MFSD2A: variants seen among roughly 807,000 people sequenced by gnomAD.
MFSD2A encodes MFSD2 lysolipid transporter A, lysophospholipid, also known as sodium-dependent lysophosphatidylcholine symporter 1.
A neutral mutation model predicts 64.7 loss-of-function variants in MFSD2A; 27 were observed. The observed-to-expected ratio is 0.42, with a 90% CI of 0.31 to 0.58. The LOEUF is 0.58. MFSD2A is among the 20% of genes least tolerant of loss of function. The pLI is 0.18. For synonymous variants in MFSD2A, 258 were observed against 273.4 expected, an observed-to-expected ratio of 0.94 and a Z score of 0.55; for missense variants, 474 against 679.5, an observed-to-expected ratio of 0.70 and a Z score of 3.36.
chr1:39,962,252 A>C (rs1288355259), intron 3 of MFSD2A, among the ~76,000 whole-genome samples: 3 of 152,028 alleles, frequency 2.0e-5, no homozygotes, highest in African/African-American at 7.2e-5. Context: ...TGCACTGACT[A>C]TTCCCTTTGC....
At chr1:39,962,761 A>G (rs1339960661) in intron 3 of MFSD2A, 7 of 941,876 alleles carry the variant, frequency 7.4e-6, no homozygotes, top group Non-Finnish European at 1.2e-5. Context: ...TTGGTGAAGG[A>G]CATGAAGATC....
chr1:39,965,146 G>A lies in MFSD2A; in HGVS notation c.354-65G>A, dbSNP rs1019543963. 1.9e-6 allele frequency: 3 copies of A among 1,604,136 alleles called. No individual in the cohort carries two copies. In the South Asian group the frequency reaches 3.3e-5, roughly 18 times the overall value. On this transcript the variant is annotated intron_variant, in intron 3 of 13. Coordinates refer to ENST00000372811, the MANE Select transcript of MFSD2A (RefSeq NM_032793.5). The surrounding 1 kb of genome is among the most constrained non-coding windows in gnomAD (Gnocchi z 5.5). The stretch of plus-strand genomic sequence containing the variant: ...TGTGGGGACCCTGTGAGGCACAGCA[G>A]ACTGGGCTGGGCCTGGTCCTGGGCT...
chr1:39,958,307 A>G lies in MFSD2A; in HGVS notation c.229-394A>G, dbSNP rs1004296971. 2.6e-5 allele frequency among the ~76,000 whole-genome samples: 4 copies of G among 152,162 alleles called. No homozygotes were observed. The highest frequency in any genetic ancestry group is 7.2e-5 in the African/African-American group (3 of 41,422). ...TAAGGTAGAGCTCATAACTCCCATT[A>G]TACAGATGGGAACACTGAAGCACAC... On this transcript the variant is annotated intron_variant, in intron 2 of 13. Coordinates refer to ENST00000372811, the MANE Select transcript of MFSD2A (RefSeq NM_032793.5). The surrounding 1 kb of genome is among the most constrained non-coding windows in gnomAD (Gnocchi z 4.7).
At chr1:39,956,915 CAAAAAAAAAAA>C (rs34385828) in intron 1 of MFSD2A, among the ~76,000 whole-genome samples, 161 bp from the exon 2 acceptor site, 8 of 35,378 alleles carry the variant, frequency 2.3e-4, no homozygotes, top group Admixed American at 1.8e-3. Context: ...GACTCTGTCT[CAAAAAAAAAAA>C]AAAAAAAAAA....
chr1:39,966,080 TAA>T (rs1473062251), intron 6 of MFSD2A, 66 bp downstream of exon 6: 1 of 1,555,982 alleles, frequency 6.4e-7, no homozygotes, highest in African/African-American at 1.4e-5. Flanking sequence ...GTAGTCATCC[TAA>T]AGATAGTAAC....
rs1644908579 is a variant in MFSD2A at position 39,955,601 on chromosome 1, G to C, written c.93+216G>C. 1 of 693,818 alleles carries C rather than the reference G, an allele frequency of 1.4e-6. No homozygotes were observed. The highest frequency in any genetic ancestry group is 2.1e-5 in the Admixed American group (1 of 48,718). The allele number at this position is 693,818 out of a possible 1,614,324, so 43.0% of individuals were successfully genotyped here. A position where few individuals can be genotyped will look rare whatever the true frequency, so the allele number is the denominator to read the frequency against. On this transcript the variant is annotated intron_variant, in intron 1 of 13. Coordinates refer to ENST00000372811, the MANE Select transcript of MFSD2A (RefSeq NM_032793.5). This position sits in a 1 kb window ranked among gnomAD's most constrained non-coding sequence, Gnocchi z 5.9. ...CCCCCTTTGCTCACCCGCACTCCACGCTCTGCGGAGAGGCTCTGCCGGCAG... is the reference window on the plus strand; with the variant it reads ...CCCCCTTTGCTCACCCGCACTCCACCCTCTGCGGAGAGGCTCTGCCGGCAG...
In MFSD2A at chr1:39,963,270, G is replaced by T; in HGVS notation, c.354-1941G>T. The T allele has an allele frequency of 6.3e-6, 9 of 1,435,706 alleles. No homozygotes were observed. The highest frequency in any genetic ancestry group is 5.8e-6 in the Non-Finnish European group (6 of 1,035,182). 88.9% of individuals were successfully genotyped at this position (1,435,706 alleles called of 1,614,324 possible). A position where few individuals can be genotyped will look rare whatever the true frequency, so the allele number is the denominator to read the frequency against. On this transcript the variant is annotated intron_variant, in intron 3 of 13. Transcript: ENST00000372811. The surrounding 1 kb of genome is among the most constrained non-coding windows in gnomAD (Gnocchi z 4.2). The stretch of plus-strand genomic sequence containing the variant: ...GGGCAGCTTTGCCAAGGGCACCTTT[G>T]ATGCCATCTCTAAGACCTACAGCTA...
Position 39,966,981 on chromosome 1 carries a change from C to A in MFSD2A, c.927+49C>A, listed in dbSNP as rs544445881. ...GCCTGAGAAGGAGGTGTAATGGGAG[C>A]GGGGTGAGCAGAGGTCTCTGGGGCT... On this transcript the variant is annotated intron_variant, in intron 8 of 13. Coordinates refer to ENST00000372811, the MANE Select transcript of MFSD2A (RefSeq NM_032793.5). 2.0e-5 allele frequency: 32 copies of A among 1,612,502 alleles called. No homozygotes were observed. The Admixed American group carries it at 5.3e-4, about 27-fold the overall frequency.
In MFSD2A at chr1:39,958,634, G is replaced by T. The variant is rs201198321; in HGVS notation, c.229-67G>T. On this transcript the variant is annotated intron_variant, in intron 2 of 13. Transcript: ENST00000372811. The surrounding 1 kb of genome is among the most constrained non-coding windows in gnomAD (Gnocchi z 4.7). ...AGATAGGGAGGGAGCCTCTGCTTCT[G>T]CCTACCAGTGAGAGTTGAGGCGAGT... 23 of 1,613,970 alleles carry T rather than the reference G, an allele frequency of 1.4e-5. No individual in the cohort carries two copies. In the East Asian group the frequency reaches 5.1e-4, roughly 36 times the overall value.
intron 1 of MFSD2A, among the ~76,000 whole-genome samples, chr1:39,956,684 C>T (rs1024520124): frequency 1.3e-5 from 2 of 152,130 alleles, no homozygotes; most frequent in African/African-American, 4.8e-5. Context: ...GAACACCTTT[C>T]TTTTGTATAA....
At chr1:39,962,372 G>T (rs1017453423) in intron 3 of MFSD2A, among the ~76,000 whole-genome samples, 2 of 152,176 alleles carry the variant, frequency 1.3e-5, no homozygotes, top group African/African-American at 4.8e-5. Flanking sequence ...ACCCATTTGT[G>T]AATTGCACCC....
In MFSD2A at chr1:39,964,761, G is replaced by GGT. The variant is rs60645502; in HGVS notation, c.354-436_354-435dup. 1.5e-3 allele frequency: 265 copies of GGT among 173,072 alleles called. No individual in the cohort carries two copies. The highest frequency in any genetic ancestry group is 3.5e-3 in the South Asian group (28 of 7,924). The allele number at this position is 173,072 out of a possible 1,614,324, so 10.7% of individuals were successfully genotyped here. A position where few individuals can be genotyped will look rare whatever the true frequency, so the allele number is the denominator to read the frequency against. On this transcript the variant is annotated intron_variant, in intron 3 of 13. Coordinates refer to ENST00000372811, the MANE Select transcript of MFSD2A (RefSeq NM_032793.5). The surrounding 1 kb of genome is among the most constrained non-coding windows in gnomAD (Gnocchi z 4.1). ...GTGTGAATGAGGTGTGTGTGAATGG[G>GGT]GTGTGTGTGTGTGTGAATGAGGTGT...
chr1:39,965,912 C>T lies in MFSD2A; in HGVS notation c.612C>T (p.Ile204=), dbSNP rs745326839. The change falls in exon 6 of 14, where the codon ATC becomes ATT. Residue 204 remains isoleucine (I), a synonymous_variant. Transcript: ENST00000372811. The surrounding 1 kb of genome is among the most constrained non-coding windows in gnomAD (Gnocchi z 5.5). ...TGGGCACGGCGATCCAGGGACAAATCGTGGGCCAAGCAGACACGCCTTGTT... is the reference window on the plus strand; with the variant it reads ...TGGGCACGGCGATCCAGGGACAAATTGTGGGCCAAGCAGACACGCCTTGTT... ...TVLGTAIQGQ[I]VGQADTPCFQ... 3.1e-6 allele frequency: 5 copies of T among 1,614,146 alleles called. No homozygotes were observed. The highest frequency in any genetic ancestry group is 2.2e-5 in the East Asian group (1 of 44,878).
chr1:39,959,746 T>G (rs1223871205), intron 3 of MFSD2A, among the ~76,000 whole-genome samples: 1 of 152,212 alleles, frequency 6.6e-6, no homozygotes. Context: ...AAGGTTGATG[T>G]AATTTTGAGA....
At position 39,964,157 on chromosome 1, in the gene MFSD2A, G is replaced by A. The variant is rs528734730; in HGVS notation, c.354-1054G>A. 1 of 152,462 alleles carries A rather than the reference G, an allele frequency of 6.6e-6. No individual in the cohort carries two copies. Among genetic ancestry groups the A allele is most frequent in the African/African-American group, 2.4e-5 (1 of 41,546 alleles). The allele number at this position is 152,462 out of a possible 1,614,324, so 9.4% of individuals were successfully genotyped here. ...ATTTTCCTTGGCTTAATGTCTACAA[G>A]GTTCATCTATGTTGTAGCATGTGTC... On this transcript the variant is annotated intron_variant, in intron 3 of 13. Coordinates refer to ENST00000372811, the MANE Select transcript of MFSD2A (RefSeq NM_032793.5). This position sits in a 1 kb window ranked among gnomAD's most constrained non-coding sequence, Gnocchi z 4.1.
Position 39,958,893 on chromosome 1 carries a change from T to A in MFSD2A, c.353+68T>A. ...TCCAGCATATCTGCTCCTTGGTCCT[T>A]CTCTCTGTCTTGTCACAGGCAGAAG... On this transcript the variant is annotated intron_variant, in intron 3 of 13. Transcript: ENST00000372811. This position sits in a 1 kb window ranked among gnomAD's most constrained non-coding sequence, Gnocchi z 4.7. 4 of 1,494,030 alleles carry A rather than the reference T, an allele frequency of 2.7e-6. No homozygotes were observed. Among genetic ancestry groups the A allele is most frequent in the Non-Finnish European group, 3.6e-6 (4 of 1,111,180 alleles). The allele number at this position is 1,494,030 out of a possible 1,614,324, so 92.5% of individuals were successfully genotyped here.
rs1220764780 is a variant in MFSD2A at position 39,955,343 on chromosome 1, C to T, written c.51C>T (p.Pro17=). 1.4e-6 allele frequency: 2 copies of T among 1,462,742 alleles called. No homozygotes were observed. The highest frequency in any genetic ancestry group is 1.8e-6 in the Non-Finnish European group (2 of 1,106,428). The allele number at this position is 1,462,742 out of a possible 1,614,324, so 90.6% of individuals were successfully genotyped here. The change falls in exon 1 of 14, where the codon CCC becomes CCT. Residue 17 remains proline (P), a synonymous_variant. Coordinates refer to ENST00000372811, the MANE Select transcript of MFSD2A (RefSeq NM_032793.5). This position sits in a 1 kb window ranked among gnomAD's most constrained non-coding sequence, Gnocchi z 5.9. ...GCGGCTCCGCGGCGGGGCTGCTACC[C>T]ACCAGCATCCTCCAAAGCACTGAAC... ...AESGSAAGLL[P]TSILQSTERP... is the part of the protein sequence containing the mutation.
Position 39,968,843 on chromosome 1 carries a change from C to A in MFSD2A, c.1529+98C>A. 1 of 1,320,904 alleles carries A rather than the reference C, an allele frequency of 7.6e-7. No homozygotes were observed. Among genetic ancestry groups the A allele is most frequent in the Non-Finnish European group, 1.1e-6 (1 of 950,358 alleles). 81.8% of individuals were successfully genotyped at this position (1,320,904 alleles called of 1,614,324 possible). Reference sequence around the variant, plus strand: ...TGGCCAAGTCCAGACTCACCCCCCACACATCTTCTCTGGACAGCTGTAACA... The same window carrying A: ...TGGCCAAGTCCAGACTCACCCCCCAAACATCTTCTCTGGACAGCTGTAACA... On this transcript the variant is annotated intron_variant, in intron 13 of 13. Transcript: ENST00000372811. This position sits in a 1 kb window ranked among gnomAD's most constrained non-coding sequence, Gnocchi z 4.4.
chr1:39,964,843 C>T lies in MFSD2A; in HGVS notation c.354-368C>T, dbSNP rs187615435. The T allele has an allele frequency of 1.7e-4, 48 of 278,530 alleles. No individual in the cohort carries two copies. The East Asian group carries it at 3.1e-3, about 18-fold the overall frequency. 17.3% of individuals were successfully genotyped at this position (278,530 alleles called of 1,614,324 possible). ...TGTGTGTGTGCGGTTGATGACTATCCGTGTGAGAACACGGGAGTTGGGGCT... is the reference window on the plus strand; with the variant it reads ...TGTGTGTGTGCGGTTGATGACTATCTGTGTGAGAACACGGGAGTTGGGGCT... On this transcript the variant is annotated intron_variant, in intron 3 of 13. Transcript: ENST00000372811. The surrounding 1 kb of genome is among the most constrained non-coding windows in gnomAD (Gnocchi z 4.1).
Sources: gnomAD v4.1 joint callset for allele counts (sites outside exome capture counted in the v4.1 genomes callset) on GRCh38, gnomAD v4.1.1 for gene constraint, Gnocchi (gnomAD v3.1) non-coding constraint, MANE v1.5 for transcripts, NCBI Gene and HGNC (gene_info 2026-07-23, HGNC 2026-07-21) for gene names.